The following DERA variants were observed in gnomAD, a reference collection of about 807,000 sequenced individuals.
DERA encodes the protein deoxyribose-phosphate aldolase.
Under a neutral mutation model 41.1 loss-of-function variants are expected in DERA, and 15 were observed. The ratio of observed to expected loss-of-function variants is 0.37; its 90% CI spans 0.24 to 0.56. The LOEUF (loss-of-function observed/expected upper bound fraction) is 0.56, where lower values mean the gene tolerates loss of function less well. Among genes scored for constraint, DERA ranks in the 20% least tolerant of loss-of-function variants. The pLI is 0.81. For synonymous variants in DERA, 139 were observed against 137.4 expected, an observed-to-expected ratio of 1.01 and a Z score of -0.08; for missense variants, 396 against 403.4, an observed-to-expected ratio of 0.98 and a Z score of 0.16.
In DERA at chr12:15,984,543, A is replaced by T. The variant is rs1948752099; in HGVS notation, c.637+2107A>T. On this transcript the variant is annotated intron_variant, in intron 6 of 8. Coordinates refer to ENST00000428559, the MANE Select transcript of DERA (RefSeq NM_015954.4). This position sits in a 1 kb window ranked among gnomAD's most constrained non-coding sequence, Gnocchi z 4.5. ...TGAAACAATATTCCTTCGTCCTCAC[A>T]TCAGTCCTGGAGTGGAAGAAATCTA... Among the ~76,000 whole-genome samples, 1 of 152,178 alleles carries T rather than the reference A, an allele frequency of 6.6e-6. No homozygotes were observed. Among genetic ancestry groups the T allele is most frequent in the Non-Finnish European group, 1.5e-5 (1 of 68,034 alleles).
Position 15,915,647 on chromosome 12 carries a change from T to C in DERA, c.31+4233T>C, listed in dbSNP as rs530551863. Among the ~76,000 whole-genome samples, 1 of 152,196 alleles carries C rather than the reference T, an allele frequency of 6.6e-6. No individual in the cohort carries two copies. Among genetic ancestry groups the C allele is most frequent in the Non-Finnish European group, 1.5e-5 (1 of 68,038 alleles). On this transcript the variant is annotated intron_variant, in intron 1 of 8. Transcript: ENST00000428559. This position sits in a 1 kb window ranked among gnomAD's most constrained non-coding sequence, Gnocchi z 4.8. Reference sequence around the variant, plus strand: ...AGGCAAAGGCTATCTGTTTGCATAATAATTCTTCACCTTATTTAATACCTA... The same window carrying C: ...AGGCAAAGGCTATCTGTTTGCATAACAATTCTTCACCTTATTTAATACCTA...
At position 15,999,291 on chromosome 12, in the gene DERA, G is replaced by A. The variant is rs1449737206; in HGVS notation, c.637+16855G>A. ...TCTAGGCATTGGAGGAGGATTAGAA[G>A]AGAGAATGGAGAGAGTAAAGTAAGC... On this transcript the variant is annotated intron_variant, in intron 6 of 8. Transcript: ENST00000428559. This position sits in a 1 kb window ranked among gnomAD's most constrained non-coding sequence, Gnocchi z 5.3. Among the ~76,000 whole-genome samples, 1 of 152,232 alleles carries A rather than the reference G, an allele frequency of 6.6e-6. No individual in the cohort carries two copies. Among genetic ancestry groups the A allele is most frequent in the Non-Finnish European group, 1.5e-5 (1 of 68,038 alleles).
At chr12:15,960,936 G>C (rs1948583276) in intron 4 of DERA, among the ~76,000 whole-genome samples, 1 of 152,188 alleles carries the variant, frequency 6.6e-6, no homozygotes, top group Non-Finnish European at 1.5e-5. Context: ...CAGGGCAAAG[G>C]GGGAGATACA....
At chr12:15,978,240 C>G (rs1196282766) in intron 5 of DERA, among the ~76,000 whole-genome samples, 7 of 152,188 alleles carry the variant, frequency 4.6e-5, no homozygotes, top group Non-Finnish European at 2.9e-5. Flanking sequence ...GACCTAAACA[C>G]TAATAATGCT....
Position 15,989,789 on chromosome 12 carries a change from C to G in DERA, c.637+7353C>G, listed in dbSNP as rs776269708. 6.6e-6 allele frequency among the ~76,000 whole-genome samples: 1 copy of G among 152,148 alleles called. No homozygotes were observed. Among genetic ancestry groups the G allele is most frequent in the African/African-American group, 2.4e-5 (1 of 41,424 alleles). ...TTCTTTGGAGACCAGGTAGAGATAT[C>G]TAACTATGTTAGTCTGGTCTTACAC... On this transcript the variant is annotated intron_variant, in intron 6 of 8. Coordinates refer to ENST00000428559, the MANE Select transcript of DERA (RefSeq NM_015954.4). The surrounding 1 kb of genome is among the most constrained non-coding windows in gnomAD (Gnocchi z 5.2).
chr12:15,991,147 A>G (rs771292778), intron 6 of DERA, among the ~76,000 whole-genome samples: 2 of 152,004 alleles, frequency 1.3e-5, no homozygotes, highest in Admixed American at 6.6e-5. Flanking sequence ...AATTTTATCC[A>G]TTCTGATTGG....
chr12:15,947,811 C>G (rs548705913), intron 1 of DERA, among the ~76,000 whole-genome samples: 11 of 152,294 alleles, frequency 7.2e-5, no homozygotes, highest in African/African-American at 2.6e-4. Flanking sequence ...CATTGACGGT[C>G]TTTACAATTT....
chr12:16,033,580 G>GT lies in DERA; in HGVS notation c.750+928dup, dbSNP rs1055873175. On this transcript the variant is annotated intron_variant, in intron 7 of 8. Transcript: ENST00000428559. ...TTTTTTTACATGATTGGAGAGCAAG[G>GT]TTGTGTGTGTGTGTGTGTGTGTGTG... is the stretch of plus-strand genomic sequence containing the variant. Among the ~76,000 whole-genome samples the GT allele has an allele frequency of 7.7e-5, 4 of 51,958 alleles. No individual in the cohort carries two copies. In the East Asian group the frequency reaches 1.1e-3, roughly 15 times the overall value. The allele number at this position is 51,958 out of a possible 152,430, so 34.1% of individuals were successfully genotyped here. A position where few individuals can be genotyped will look rare whatever the true frequency, so the allele number is the denominator to read the frequency against.
chr12:15,960,291 AACAC>A (rs547474609), intron 4 of DERA, among the ~76,000 whole-genome samples: 1 of 150,414 alleles, frequency 6.6e-6, no homozygotes, highest in South Asian at 2.1e-4. Flanking sequence ...TATACATACT[AACAC>A]ACACATGTAT....
chr12:15,971,880 TG>T (rs1216977969), intron 5 of DERA: 13 of 318,388 alleles, frequency 4.1e-5, no homozygotes, highest in South Asian at 2.0e-4. Context: ...CAGCAGATTT[TG>T]GAGCACAGTC....
In DERA at chr12:15,996,048, C is replaced by T. The variant is rs2136170295; in HGVS notation, c.637+13612C>T. 6.6e-6 allele frequency among the ~76,000 whole-genome samples: 1 copy of T among 152,208 alleles called. No individual in the cohort carries two copies. The highest frequency in any genetic ancestry group is 1.9e-4 in the East Asian group (1 of 5,150). On this transcript the variant is annotated intron_variant, in intron 6 of 8. Transcript: ENST00000428559. The surrounding 1 kb of genome is among the most constrained non-coding windows in gnomAD (Gnocchi z 4.7). Reference sequence around the variant, plus strand: ...GCTGAGTGAGCCTGATGGAGCTACACTAAGACAGACTCAGCAAACATTAGA... The same window carrying T: ...GCTGAGTGAGCCTGATGGAGCTACATTAAGACAGACTCAGCAAACATTAGA...
intron 1 of DERA, among the ~76,000 whole-genome samples, chr12:15,948,712 C>T (rs181431725): frequency 6.6e-6 from 1 of 152,246 alleles, no homozygotes; most frequent in Non-Finnish European, 1.5e-5. Context: ...CAAAGTCATT[C>T]TCTGTCCAGC....
At position 15,921,926 on chromosome 12, in the gene DERA, G is replaced by GATA. The variant is rs68021628; in HGVS notation, c.31+10529_31+10531dup. 6.6e-6 allele frequency among the ~76,000 whole-genome samples: 1 copy of GATA among 151,034 alleles called. No homozygotes were observed. Among genetic ancestry groups the GATA allele is most frequent in the Non-Finnish European group, 1.5e-5 (1 of 67,794 alleles). ...GGGTGACGAGCAAAACTCCATCTCA[G>GATA]ATAATAATAATAATAATAAATAATT... On this transcript the variant is annotated intron_variant, in intron 1 of 8. Coordinates refer to ENST00000428559, the MANE Select transcript of DERA (RefSeq NM_015954.4). The surrounding 1 kb of genome is among the most constrained non-coding windows in gnomAD (Gnocchi z 5.3).
In DERA at chr12:15,966,830, C is replaced by T. The variant is rs1396449169; in HGVS notation, c.508+3883C>T. Among the ~76,000 whole-genome samples, 1 of 152,070 alleles carries T rather than the reference C, an allele frequency of 6.6e-6. No homozygotes were observed. The highest frequency in any genetic ancestry group is 1.5e-5 in the Non-Finnish European group (1 of 68,010). On this transcript the variant is annotated intron_variant, in intron 5 of 8. Coordinates refer to ENST00000428559, the MANE Select transcript of DERA (RefSeq NM_015954.4). The surrounding 1 kb of genome is among the most constrained non-coding windows in gnomAD (Gnocchi z 5.1). The stretch of plus-strand genomic sequence containing the variant: ...CTTTTCCACAACCTTGGTGTGCTTT[C>T]CTTTGGAAACGTCATGTCCTTGCTG...
rs1180996760 is a variant in DERA at position 15,981,173 on chromosome 12, C to A, written c.509-1135C>A. On this transcript the variant is annotated intron_variant, in intron 5 of 8. Coordinates refer to ENST00000428559, the MANE Select transcript of DERA (RefSeq NM_015954.4). This position sits in a 1 kb window ranked among gnomAD's most constrained non-coding sequence, Gnocchi z 6.1. ...ACCATCCTGGTTAACACGGTGAAAC[C>A]CCGTCTCTACTAAAACTACAAAAAG... Among the ~76,000 whole-genome samples the A allele has an allele frequency of 6.6e-6, 1 of 152,072 alleles. No homozygotes were observed. Among genetic ancestry groups the A allele is most frequent in the Non-Finnish European group, 1.5e-5 (1 of 68,010 alleles).
At position 15,959,750 on chromosome 12, in the gene DERA, C is replaced by A. The variant is rs1410455223; in HGVS notation, c.278-79C>A. ...TCTCATTTGATTTTTGCCAGTGTTG[C>A]GATATAAATAATAATTAAAAGCATG... On this transcript the variant is annotated intron_variant, in intron 3 of 8. Coordinates refer to ENST00000428559, the MANE Select transcript of DERA (RefSeq NM_015954.4). The surrounding 1 kb of genome is among the most constrained non-coding windows in gnomAD (Gnocchi z 4.5). The A allele has an allele frequency of 1.1e-6, 1 of 926,994 alleles. No homozygotes were observed. The highest frequency in any genetic ancestry group is 1.6e-6 in the Non-Finnish European group (1 of 616,006). The allele number at this position is 926,994 out of a possible 1,614,324, so 57.4% of individuals were successfully genotyped here. A position where few individuals can be genotyped will look rare whatever the true frequency, so the allele number is the denominator to read the frequency against.
At chr12:16,005,808 G>C (rs896585631) in intron 6 of DERA, among the ~76,000 whole-genome samples, 1 of 152,208 alleles carries the variant, frequency 6.6e-6, no homozygotes. Flanking sequence ...CAAGTGAATA[G>C]TTATTAGGTT....
chr12:15,917,104 G>T (rs1948206158), intron 1 of DERA, among the ~76,000 whole-genome samples: 1 of 152,162 alleles, frequency 6.6e-6, no homozygotes, highest in African/African-American at 2.4e-5. Context: ...TCACAAGTGA[G>T]AAGTGACCTA....
rs564707178 is a variant in DERA, at chr12:16,009,918, A to G, written c.638-22624A>G. Among the ~76,000 whole-genome samples the G allele has an allele frequency of 3.3e-5, 5 of 152,340 alleles. No individual in the cohort carries two copies. In the East Asian group the frequency reaches 7.7e-4, roughly 23 times the overall value. On this transcript the variant is annotated intron_variant, in intron 6 of 8. Coordinates refer to ENST00000428559, the MANE Select transcript of DERA (RefSeq NM_015954.4). This position sits in a 1 kb window ranked among gnomAD's most constrained non-coding sequence, Gnocchi z 5.3. The stretch of plus-strand genomic sequence containing the variant: ...CAGTATACATGTTAAGAAACTATTT[A>G]TATTGTTTTCTGCTGAGCAGAAATC...
Sources: allele counts gnomAD v4.1 joint callset (sites outside exome capture counted in the v4.1 genomes callset), GRCh38; gene constraint gnomAD v4.1.1; non-coding constraint Gnocchi (gnomAD v3.1); transcripts MANE v1.5; gene names NCBI Gene and HGNC (gene_info 2026-07-23, HGNC 2026-07-21).